The following SLC20A2 variants were observed in gnomAD, a reference collection of about 807,000 sequenced individuals.
SLC20A2 encodes sodium-dependent phosphate transporter 2.
In SLC20A2, 30 loss-of-function variants were observed where a neutral mutation model predicts 61.0. The ratio of observed to expected loss-of-function variants is 0.49; its 90% CI spans 0.37 to 0.67. The LOEUF is 0.67. Among genes scored for constraint, SLC20A2 ranks in the 30% least tolerant of loss-of-function variants. The pLI is 0.00. For synonymous variants in SLC20A2, 351 were observed against 353.3 expected (o/e 0.99, Z 0.07); for missense variants, 626 against 866.4 (o/e 0.72, Z 3.48).
chr8:42,523,062 G>C (rs983749775), intron 1 of SLC20A2, among the ~76,000 whole-genome samples: 3 of 152,162 alleles, frequency 2.0e-5, no homozygotes, highest in African/African-American at 7.2e-5. Flanking sequence ...GCCAGGTGTG[G>C]TGGCTCATGC....
intron 1 of SLC20A2, among the ~76,000 whole-genome samples, chr8:42,535,778 C>A (rs115076611): frequency 0.016 from 2,463 of 152,310 alleles, 81 homozygotes; most frequent in African/African-American, 0.056. Context: ...TGGTTTAATA[C>A]TGATGTCCGG....
chr8:42,519,154 A>T (rs374791052), intron 1 of SLC20A2, among the ~76,000 whole-genome samples: 5 of 152,138 alleles, frequency 3.3e-5, no homozygotes, highest in Non-Finnish European at 4.4e-5. Flanking sequence ...CAGCATTTTT[A>T]AAAAATACTG....
chr8:42,465,874 T>A lies in SLC20A2; in HGVS notation c.333A>T (p.Pro111=). The A allele has an allele frequency of 6.2e-7, 1 of 1,613,290 alleles. No homozygotes were observed. Among genetic ancestry groups the A allele is most frequent in the Non-Finnish European group, 8.5e-7 (1 of 1,179,832 alleles). Residue 111 remains proline (P), a synonymous_variant, in exon 3 of 11, where the codon CCA becomes CCT. Transcript: ENST00000520262. ...WQLIASFLRL[P]ISGTHCIVGS... The stretch of plus-strand genomic sequence containing the variant: ...CCACAATGCAGTGCGTTCCTGAGAT[T>A]GGAAGCCTCAGGAAGGAAGCAATCA...
At chr8:42,514,364 C>G (rs892326842) in intron 1 of SLC20A2, among the ~76,000 whole-genome samples, 1 of 152,178 alleles carries the variant, frequency 6.6e-6, no homozygotes, top group African/African-American at 2.4e-5. Flanking sequence ...TAGGGGAGAA[C>G]TGTCAGTTTA....
intron 8 of SLC20A2, among the ~76,000 whole-genome samples, chr8:42,434,551 G>A (rs1350059055): frequency 2.0e-5 from 3 of 152,116 alleles, no homozygotes; most frequent in Non-Finnish European, 2.9e-5. Flanking sequence ...TTTGGCTTTG[G>A]TTTTGCTGTG....
At position 42,498,624 on chromosome 8, in the gene SLC20A2, C is replaced by T. The variant is rs138531263; in HGVS notation, c.-265+2407G>A. Among the ~76,000 whole-genome samples the T allele has an allele frequency of 7.9e-3, 1,199 of 152,244 alleles. 14 individuals are homozygous for T. The highest frequency in any genetic ancestry group is 0.028 in the African/African-American group (1,155 of 41,528). On this transcript the variant is annotated intron_variant, in intron 1 of 10. Transcript: ENST00000520262. ...CCCGTATGCCCGAGAAATCAGCCTT[C>T]CTCCTGAGGGCCATATCCCATTATG...
intron 1 of SLC20A2, among the ~76,000 whole-genome samples, chr8:42,508,188 C>T (rs1810826718): frequency 6.6e-6 from 1 of 151,278 alleles, no homozygotes; most frequent in South Asian, 2.1e-4. Context: ...AGAAAGGCAT[C>T]TTCAGCCAGG....
chr8:42,460,353 T>C (rs982802946), intron 4 of SLC20A2, among the ~76,000 whole-genome samples: 3 of 152,214 alleles, frequency 2.0e-5, no homozygotes, highest in East Asian at 3.8e-4. Context: ...TCAAAACCCA[T>C]AGTGCTCACT....
At chr8:42,418,930 G>A (rs371551764) in intron 10 of SLC20A2, among the ~76,000 whole-genome samples, 2 of 150,192 alleles carry the variant, frequency 1.3e-5, no homozygotes, top group African/African-American at 2.4e-5. Context: ...CCTGGGAGGC[G>A]GAGCTTGCAT....
chr8:42,443,961 C>T (rs929310737), intron 6 of SLC20A2, among the ~76,000 whole-genome samples: 1 of 152,162 alleles, frequency 6.6e-6, no homozygotes, highest in Admixed American at 6.5e-5. Context: ...CCGTCAGGTC[C>T]CCAGCAGTTC....
intron 10 of SLC20A2, among the ~76,000 whole-genome samples, chr8:42,422,917 C>T (rs1461023425): frequency 6.6e-6 from 1 of 152,000 alleles, no homozygotes; most frequent in Non-Finnish European, 1.5e-5. Context: ...TGTTAGTAGC[C>T]ACTTTCCTCT....
chr8:42,462,797 T>C lies in SLC20A2; in HGVS notation c.516+208A>G, dbSNP rs556335778. On this transcript the variant is annotated intron_variant, in intron 4 of 10. Transcript: ENST00000520262. ...AAGTACAGAGCCAAGAAACACTATTTGCAGTGCTTGTTTCTGGGGGACTCT... is the reference window on the plus strand; with the variant it reads ...AAGTACAGAGCCAAGAAACACTATTCGCAGTGCTTGTTTCTGGGGGACTCT... Among the ~76,000 whole-genome samples, 3 of 152,326 alleles carry C rather than the reference T, an allele frequency of 2.0e-5. No homozygotes were observed. The East Asian group carries it at 5.8e-4, about 29-fold the overall frequency.
intron 10 of SLC20A2, among the ~76,000 whole-genome samples, chr8:42,418,771 G>C (rs954456380): frequency 6.6e-6 from 1 of 151,742 alleles, no homozygotes; most frequent in Non-Finnish European, 1.5e-5. Flanking sequence ...GGCTGAGGTG[G>C]GCGGATCACG....
intron 3 of SLC20A2, among the ~76,000 whole-genome samples, chr8:42,464,090 A>ATTTT (rs1563488008): frequency 3.0e-3 from 60 of 20,022 alleles, no homozygotes; most frequent in African/African-American, 6.3e-3. Context: ...AGGCTGGATG[A>ATTTT]TCTTTTTTTT....
chr8:42,478,119 C>T (rs1171173960), intron 1 of SLC20A2, among the ~76,000 whole-genome samples: 1 of 150,898 alleles, frequency 6.6e-6, no homozygotes, highest in African/African-American at 2.4e-5. Context: ...CTCTTGACCT[C>T]GTGATCAACC....
intron 1 of SLC20A2, among the ~76,000 whole-genome samples, chr8:42,483,167 G>A (rs1808682949): frequency 6.6e-6 from 1 of 152,296 alleles, no homozygotes; most frequent in Non-Finnish European, 1.5e-5. Flanking sequence ...CCAACATGGT[G>A]AGACTCTGTT....
chr8:42,465,470 G>A (rs1005098611), intron 3 of SLC20A2, among the ~76,000 whole-genome samples: 7 of 151,734 alleles, frequency 4.6e-5, no homozygotes, highest in Non-Finnish European at 7.4e-5. Context: ...AAGGCAGGCC[G>A]ATCATGAGGT....
At chr8:42,500,796 TG>T (rs1563528519) in intron 1 of SLC20A2, among the ~76,000 whole-genome samples, 1 of 152,222 alleles carries the variant, frequency 6.6e-6, no homozygotes, top group Non-Finnish European at 1.5e-5. Flanking sequence ...AGATTGCTTT[TG>T]CAAAAATAAG....
At chr8:42,513,378 A>G (rs981821858) in intron 1 of SLC20A2, among the ~76,000 whole-genome samples, 6 of 152,218 alleles carry the variant, frequency 3.9e-5, no homozygotes, top group African/African-American at 1.4e-4. Context: ...TGGGAGACAC[A>G]TATGACATGA....
Sources: allele counts gnomAD v4.1 joint callset (sites outside exome capture counted in the v4.1 genomes callset), GRCh38; gene constraint gnomAD v4.1.1; transcripts MANE v1.5; gene names NCBI Gene and HGNC (gene_info 2026-07-23, HGNC 2026-07-21).